The following COL5A2 variants were observed in gnomAD, a reference collection of about 807,000 sequenced individuals.
COL5A2 encodes the protein collagen alpha-2(V) chain.
A neutral mutation model predicts 208.2 loss-of-function variants in COL5A2; 23 were observed. The observed-to-expected ratio is 0.11, with a 90% CI of 0.08 to 0.16. The LOEUF (loss-of-function observed/expected upper bound fraction) is 0.16. Among genes scored for constraint, COL5A2 ranks in the 10% least tolerant of loss-of-function variants. The probability of loss-of-function intolerance (pLI) is 1.00; values close to 1 mark genes in which losing one functional copy is unlikely to be tolerated. For synonymous variants in COL5A2, 625 were observed against 628.5 expected, an observed-to-expected ratio of 0.99 and a Z score of 0.08; for missense variants, 1,590 against 1,956.4, an observed-to-expected ratio of 0.81 and a Z score of 3.53.
chr2:189,323,847 A>G, the COL5A2 span, among the ~76,000 whole-genome samples: 1 of 152,242 alleles, frequency 6.6e-6, no homozygotes, highest in African/African-American at 2.4e-5. Context: ...GAACCAAAAA[A>G]GAGCCTGCAT....
chr2:189,279,141 A>G, the COL5A2 span, among the ~76,000 whole-genome samples: 2 of 151,938 alleles, frequency 1.3e-5, no homozygotes, highest in Non-Finnish European at 2.9e-5. Flanking sequence ...ATTCTAGTTT[A>G]AAAGAACAGA....
chr2:189,050,644 C>A lies in COL5A2; in HGVS notation c.2964G>T (p.Thr988=). 1.3e-6 allele frequency: 2 copies of A among 1,552,490 alleles called. No homozygotes were observed. Among genetic ancestry groups the A allele is most frequent in the Admixed American group, 1.9e-5 (1 of 51,316 alleles). The change falls in exon 43 of 54, where the codon ACG becomes ACT. Residue 988 remains threonine (T), a synonymous_variant. Coordinates refer to ENST00000374866, the MANE Select transcript of COL5A2 (RefSeq NM_000393.5). The part of the protein sequence containing the change: ...GPDGPPGPAG[T]TGQRGIVGMP... ...TGCCAACAATTCCTCTCTGCCCGGT[C>A]GTTCCAGCTGGACCAGGGGGGCCAT...
chr2:189,389,205 C>T, the COL5A2 span, among the ~76,000 whole-genome samples: 1 of 152,112 alleles, frequency 6.6e-6, no homozygotes, highest in Admixed American at 6.5e-5. Flanking sequence ...TAATAGTACA[C>T]TTTCTTACAG....
At chr2:189,418,766 A>C in the COL5A2 span, among the ~76,000 whole-genome samples, 1 of 152,176 alleles carries the variant, frequency 6.6e-6, no homozygotes, top group African/African-American at 2.4e-5. Context: ...TCTAGCATGT[A>C]ATCTGATGTT....
intron 1 of COL5A2, among the ~76,000 whole-genome samples, chr2:189,174,808 C>T (rs540619214): frequency 3.3e-5 from 5 of 152,308 alleles, no homozygotes; most frequent in Middle Eastern, 3.4e-3. Context: ...TAAAAATTCA[C>T]TAAATCTATG....
At chr2:189,154,350 TAAC>T (rs1186648395) in intron 1 of COL5A2, among the ~76,000 whole-genome samples, 1 of 152,228 alleles carries the variant, frequency 6.6e-6, no homozygotes, top group African/African-American at 2.4e-5. Flanking sequence ...TCACAGGACT[TAAC>T]AAGGTTTAAT....
At chr2:189,328,813 G>A in the COL5A2 span, among the ~76,000 whole-genome samples, 1 of 152,232 alleles carries the variant, frequency 6.6e-6, no homozygotes, top group African/African-American at 2.4e-5. Context: ...GCCTATGCCT[G>A]TAAGTGGTGA....
the COL5A2 span, among the ~76,000 whole-genome samples, chr2:189,435,733 G>A: frequency 5.3e-5 from 8 of 152,092 alleles, no homozygotes; most frequent in Middle Eastern, 3.2e-3. Context: ...TTGGTGGGAC[G>A]GTAAACTAGT....
the COL5A2 span, among the ~76,000 whole-genome samples, chr2:189,251,091 C>T: frequency 6.6e-6 from 1 of 152,004 alleles, no homozygotes; most frequent in African/African-American, 2.4e-5. Context: ...TACATGTGAG[C>T]AAGTGTAGAA....
At chr2:189,213,634 C>T (rs1364793115) in intron 1 of COL5A2, among the ~76,000 whole-genome samples, 1 of 152,114 alleles carries the variant, frequency 6.6e-6, no homozygotes, top group Non-Finnish European at 1.5e-5. Flanking sequence ...CTCAAATTAA[C>T]CGAAAGGGAG....
the COL5A2 span, among the ~76,000 whole-genome samples, chr2:189,432,812 A>G: frequency 7.1e-3 from 1,084 of 152,334 alleles, 14 homozygotes; most frequent in African/African-American, 0.025. Flanking sequence ...AATTGAACTC[A>G]GCTCTGCACC....
intron 1 of COL5A2, among the ~76,000 whole-genome samples, chr2:189,143,540 T>C (rs1687976212): frequency 6.6e-6 from 1 of 152,204 alleles, no homozygotes; most frequent in African/African-American, 2.4e-5. Flanking sequence ...ATGAGGCTTC[T>C]TTGATGGCAT....
chr2:189,408,469 T>A, the COL5A2 span, among the ~76,000 whole-genome samples: 1 of 152,176 alleles, frequency 6.6e-6, no homozygotes, highest in African/African-American at 2.4e-5. Flanking sequence ...ATTCTGTGAC[T>A]ATTAATTCTT....
At chr2:189,319,661 G>T in the COL5A2 span, among the ~76,000 whole-genome samples, 1 of 152,368 alleles carries the variant, frequency 6.6e-6, no homozygotes, top group African/African-American at 2.4e-5. Flanking sequence ...TAAACAAAGC[G>T]ACCAGGAAGC....
Position 189,032,388 on chromosome 2 carries a change from G to A in COL5A2, c.*1682C>T, listed in dbSNP as rs1363448949. 2.0e-5 allele frequency: 3 copies of A among 152,086 alleles called. No individual in the cohort carries two copies. The highest frequency in any genetic ancestry group is 6.6e-5 in the Admixed American group (1 of 15,266). The allele number at this position is 152,086 out of a possible 1,614,324, so 9.4% of individuals were successfully genotyped here. On this transcript the variant is annotated 3_prime_UTR_variant, in exon 54 of 54. Coordinates refer to ENST00000374866, the MANE Select transcript of COL5A2 (RefSeq NM_000393.5). ...TTCATTTATAAGCCAGTACATACAT[G>A]ATAGAAGGTATCCGTTGTATCTTTT...
At chr2:189,402,618 G>A in the COL5A2 span, among the ~76,000 whole-genome samples, 85,875 of 152,094 alleles carry the variant, frequency 0.56, 26,069 homozygotes, top group East Asian at 0.69. Context: ...CATATGGCTA[G>A]CCAGTTCTCC....
chr2:189,108,371 G>T (rs925876412), intron 2 of COL5A2, among the ~76,000 whole-genome samples: 1 of 151,730 alleles, frequency 6.6e-6, no homozygotes. Context: ...GGAGAGAATG[G>T]ATTTATATTT....
the COL5A2 span, among the ~76,000 whole-genome samples, chr2:189,297,496 AT>A: frequency 3.9e-5 from 6 of 152,268 alleles, no homozygotes; most frequent in East Asian, 1.9e-4. Context: ...CAAAAAATTA[AT>A]TTTTTTAATT....
intron 1 of COL5A2, among the ~76,000 whole-genome samples, chr2:189,195,410 T>C (rs1333077731): frequency 3.3e-5 from 5 of 152,188 alleles, no homozygotes; most frequent in African/African-American, 9.7e-5. Context: ...ATAGATTCAC[T>C]GCTATTCCCA....
Sources: gnomAD v4.1 joint callset for allele counts (sites outside exome capture counted in the v4.1 genomes callset) on GRCh38, gnomAD v4.1.1 for gene constraint, MANE v1.5 for transcripts, NCBI Gene and HGNC (gene_info 2026-07-23, HGNC 2026-07-21) for gene names.